LARS1: variants seen among roughly 807,000 people sequenced by gnomAD.
LARS1 encodes the protein leucyl-tRNA synthetase 1.
Under a neutral mutation model 162.8 loss-of-function variants are expected in LARS1, and 100 were observed. That is an observed-to-expected ratio of 0.61 (90% CI 0.52 to 0.73). The LOEUF is 0.73. Ranked by LOEUF, LARS1 falls within the 30% of genes least tolerant of loss-of-function variation. The pLI, the probability that LARS1 is intolerant of heterozygous loss-of-function variation, is 0.00. For synonymous variants in LARS1, 457 were observed against 462.8 expected (o/e 0.99, Z 0.16); for missense variants, 1,258 against 1,408.9 (o/e 0.89, Z 1.71).
chr5:146,123,669 G>A (rs565999310), intron 29 of LARS1, among the ~76,000 whole-genome samples: 27 of 151,868 alleles, frequency 1.8e-4, no homozygotes, highest in African/African-American at 6.3e-4. Context: ...AACATGAGAG[G>A]CTTGGAAAGC....
chr5:146,179,619 G>C, intron 1 of LARS1: 1 of 404,932 alleles, frequency 2.5e-6, no homozygotes, highest in Non-Finnish European at 5.0e-6. Context: ...GTGTGAGAGA[G>C]AGAGGGTCTC....
chr5:146,153,775 G>C lies in LARS1; in HGVS notation c.1189C>G (p.Pro397Ala). 1.2e-6 allele frequency: 2 copies of C among 1,614,038 alleles called. No individual in the cohort carries two copies. Among genetic ancestry groups the C allele is most frequent in the Non-Finnish European group, 1.7e-6 (2 of 1,179,970 alleles). Reference protein sequence around the residue: ...GVVTSVPSDSPDDIAALRDLK... With the variant: ...GVVTSVPSDSADDIAALRDLK... ...TCTCTGAGGGCAGCAATATCATCAG[G>C]GGAGTCGGAAGGAACACTTGTAACC... is the stretch of plus-strand genomic sequence containing the variant. Residue 397 changes from proline to alanine, a missense_variant, in exon 12 of 32, where the codon CCT becomes GCT. Coordinates refer to ENST00000394434, the MANE Select transcript of LARS1 (RefSeq NM_020117.11).
Position 146,118,575 on chromosome 5 carries a change from C to G in LARS1, c.3325+1796G>C, listed in dbSNP as rs542094232. Among the ~76,000 whole-genome samples the G allele has an allele frequency of 1.4e-3, 219 of 152,150 alleles. 2 individuals carry two copies. Among genetic ancestry groups the G allele is most frequent in the African/African-American group, 5.0e-3 (207 of 41,492 alleles). ...TGAGGTGATGGATATGTTAATTATC[C>G]TAATTTGATAATTACACATTGTAAA... On this transcript the variant is annotated intron_variant, in intron 31 of 31. Transcript: ENST00000394434.
intron 30 of LARS1, 99 bp downstream of exon 30, chr5:146,122,393 T>C (rs1751865063): frequency 6.0e-6 from 4 of 666,608 alleles, no homozygotes; most frequent in Non-Finnish European, 1.0e-5. Context: ...CTCTGGACCT[T>C]ACTTTGTTCT....
Position 146,154,126 on chromosome 5 carries a change from G to A in LARS1, c.1066-146C>T. The A allele has an allele frequency of 8.1e-6, 5 of 617,202 alleles. No homozygotes were observed. In the South Asian group the frequency reaches 1.1e-4, roughly 14 times the overall value. 38.2% of individuals were successfully genotyped at this position (617,202 alleles called of 1,614,324 possible). A position where few individuals can be genotyped will look rare whatever the true frequency, so the allele number is the denominator to read the frequency against. ...CAAGAGCTATATTGTACAATATGGT[G>A]ACTATAGGAAATAACAATGTATTTT... On this transcript the variant is annotated intron_variant, in intron 10 of 31. Transcript: ENST00000394434.
chr5:146,169,631 C>A (rs1040284902), intron 4 of LARS1, among the ~76,000 whole-genome samples: 3 of 151,916 alleles, frequency 2.0e-5, no homozygotes, highest in African/African-American at 7.3e-5. Context: ...TCACTGCAAC[C>A]TCTACTTCCC....
rs1379606364 is a variant in LARS1, at chr5:146,144,276, AAG to A, written c.1727_1728del (p.Thr576IlefsTer11). The stretch of plus-strand genomic sequence containing the variant: ...TTTCAAGTTTGTTTACCTAGACCAT[AAG>A]TTCTTGAGCAAGCATGTTCTTGTAG... ...GWLQEHACSR[T>X]YGLGTHLPWD... On this transcript the variant is annotated frameshift_variant, in exon 18 of 32. Transcript: ENST00000394434. LOFTEE classifies it high-confidence loss of function. 1.2e-6 allele frequency: 2 copies of A among 1,608,500 alleles called. No individual in the cohort carries two copies. Among genetic ancestry groups the A allele is most frequent in the Non-Finnish European group, 1.7e-6 (2 of 1,178,406 alleles).
rs1253613767 is a variant in LARS1 at position 146,113,578 on chromosome 5, G to T, written c.*528C>A. ...GTCTTATAAAATGCAGGACCTATTT[G>T]TTCTTTATACAAAATACTTAGTAAT... On this transcript the variant is annotated 3_prime_UTR_variant, in exon 32 of 32. Coordinates refer to ENST00000394434, the MANE Select transcript of LARS1 (RefSeq NM_020117.11). 2 of 152,376 alleles carry T rather than the reference G, an allele frequency of 1.3e-5. No homozygotes were observed. The highest frequency in any genetic ancestry group is 4.8e-5 in the African/African-American group (2 of 41,324). 9.4% of individuals were successfully genotyped at this position (152,376 alleles called of 1,614,324 possible).
intron 5 of LARS1, among the ~76,000 whole-genome samples, chr5:146,166,448 G>A (rs530921670): frequency 6.6e-6 from 1 of 152,274 alleles, no homozygotes; most frequent in African/African-American, 2.4e-5. Context: ...AGAGGTATAA[G>A]CCTATAGTTC....
intron 5 of LARS1, among the ~76,000 whole-genome samples, chr5:146,167,744 T>A (rs939404946): frequency 6.6e-5 from 10 of 151,494 alleles, no homozygotes; most frequent in Non-Finnish European, 1.3e-4. Context: ...TTAGCCAGGA[T>A]GGTCTCGATC....
chr5:146,128,549 T>C (rs1752136575), intron 27 of LARS1, 123 bp downstream of exon 27: 1 of 536,340 alleles, frequency 1.9e-6, no homozygotes, highest in Non-Finnish European at 3.3e-6. Flanking sequence ...GCTGTCTGCC[T>C]AGAGGGAATG....
chr5:146,143,901 T>C (rs1012142758), intron 18 of LARS1, among the ~76,000 whole-genome samples: 22 of 151,650 alleles, frequency 1.5e-4, no homozygotes, highest in Non-Finnish European at 2.4e-4. Flanking sequence ...ACTCGGGAGG[T>C]TGAGGCAGGA....
At chr5:146,140,437 C>T (rs1470395653) in intron 20 of LARS1, among the ~76,000 whole-genome samples, 176 bp from the exon 21 acceptor site, 1 of 152,194 alleles carries the variant, frequency 6.6e-6, no homozygotes, top group Admixed American at 6.5e-5. Flanking sequence ...GGACTGGCTA[C>T]ATAAACTAGG....
intron 20 of LARS1, among the ~76,000 whole-genome samples, chr5:146,141,048 A>G (rs1036584209): frequency 6.6e-6 from 1 of 152,348 alleles, no homozygotes; most frequent in Admixed American, 6.5e-5. Context: ...GAAATAGAGT[A>G]GTGTGCAGGC....
rs990945596 is a variant in LARS1 at position 146,172,834 on chromosome 5, A to G, written c.126-60T>C. On this transcript the variant is annotated intron_variant, in intron 2 of 31. Transcript: ENST00000394434. ...AGAATAAATGTTAAGTTCCTTTTACAATAAGGAAGTGGGGTGAAGGAAATG... is the reference window on the plus strand; with the variant it reads ...AGAATAAATGTTAAGTTCCTTTTACGATAAGGAAGTGGGGTGAAGGAAATG... The G allele has an allele frequency of 1.1e-5, 9 of 830,736 alleles. No individual in the cohort carries two copies. In the Admixed American group the frequency reaches 1.4e-4, roughly 13 times the overall value. 51.5% of individuals were successfully genotyped at this position (830,736 alleles called of 1,614,324 possible).
Position 146,151,970 on chromosome 5 carries a change from A to T in LARS1, c.1317T>A (p.Asn439Lys). Reference sequence around the variant, plus strand: ...CATCACAAATGGTTACAGCAGAAAGATTTCCAAAACCTGGGATTTCAATGA... The same window carrying T: ...CATCACAAATGGTTACAGCAGAAAGTTTTCCAAAACCTGGGATTTCAATGA... ...VPVIEIPGFG[N>K]LSAVTICDEL... The change falls in exon 14 of 32, where the codon AAT (asparagine) becomes AAA (lysine). Residue 439 changes from asparagine to lysine, a missense_variant. By Grantham distance (94) the Asn-to-Lys change is moderately conservative. Transcript: ENST00000394434. 6.2e-7 allele frequency: 1 copy of T among 1,614,108 alleles called. No individual in the cohort carries two copies. Among genetic ancestry groups the T allele is most frequent in the Non-Finnish European group, 8.5e-7 (1 of 1,180,038 alleles).
At position 146,144,709 on chromosome 5, in the gene LARS1, C is replaced by G; in HGVS notation, c.1504G>C (p.Gly502Arg). 6.2e-7 allele frequency: 1 copy of G among 1,612,188 alleles called. No homozygotes were observed. Among genetic ancestry groups the G allele is most frequent in the Non-Finnish European group, 8.5e-7 (1 of 1,178,550 alleles). The change falls in exon 16 of 32, where the codon GGA (glycine) becomes CGA (arginine). Residue 502 changes from glycine to arginine, a missense_variant and splice_region_variant. Physicochemically the swap from Gly to Arg is moderately radical, Grantham distance 125. Coordinates refer to ENST00000394434, the MANE Select transcript of LARS1 (RefSeq NM_020117.11). ...GGTTCCATGTAAATAAGTGCATCTC[C>G]CTAAAGGAAGGTAAATAAACATACA... Reference protein sequence around the residue: ...KTIQKKMIDAGDALIYMEPEK... With the variant: ...KTIQKKMIDARDALIYMEPEK...
chr5:146,140,331 G>A (rs1752717410), intron 20 of LARS1, 70 bp from the exon 21 acceptor site: 2 of 1,271,282 alleles, frequency 1.6e-6, no homozygotes, highest in African/African-American at 1.5e-5. Context: ...AAAATTTTGA[G>A]GTAAAAGCTA....
chr5:146,157,294 G>GC (rs1753573042), intron 10 of LARS1, 109 bp downstream of exon 10: 1 of 898,624 alleles, frequency 1.1e-6, no homozygotes, highest in Admixed American at 2.1e-5. Context: ...ACAGTTTACT[G>GC]CATGTACACC....
Sources: gnomAD v4.1 joint callset for allele counts (sites outside exome capture counted in the v4.1 genomes callset) on GRCh38, gnomAD v4.1.1 for gene constraint, MANE v1.5 for transcripts, NCBI Gene and HGNC (gene_info 2026-07-23, HGNC 2026-07-21) for gene names.